FBN2: variants seen among roughly 807,000 people sequenced by gnomAD.
FBN2 encodes fibrillin-2.
In FBN2, 105 loss-of-function variants were observed where a neutral mutation model predicts 355.6. The ratio of observed to expected loss-of-function variants is 0.30; its 90% CI spans 0.25 to 0.35. The LOEUF is 0.35. FBN2 is among the 10% of genes least tolerant of loss of function. The probability of loss-of-function intolerance (pLI) is 1.00; values close to 1 mark genes in which losing one functional copy is unlikely to be tolerated. For missense variants in FBN2, 3,280 were observed against 3,758.7 expected (o/e 0.87, Z 3.33); for synonymous variants, 1,350 against 1,301.2 (o/e 1.04, Z -0.81).
At chr5:128,446,433 T>A in intron 7 of FBN2, 48 bp downstream of exon 7, 3 of 1,602,478 alleles carry the variant, frequency 1.9e-6, no homozygotes, top group Non-Finnish European at 2.6e-6. Flanking sequence ...CTGTTTTTCT[T>A]GCATTAAAGT....
In FBN2 at chr5:128,369,264, T is replaced by C. The variant is rs1425557353; in HGVS notation, c.2166A>G (p.Ala722=). The C allele has an allele frequency of 6.2e-7, 1 of 1,614,158 alleles. No homozygotes were observed. Among genetic ancestry groups the C allele is most frequent in the Middle Eastern group, 1.6e-4 (1 of 6,062 alleles). The part of the protein sequence containing the change: ...KGVCVRPFPG[A]VTKSECCCAN... ...CACAGCAGCATTCGGACTTGGTCAC[T>C]GCACCGGGGAAAGGACGCACACACA... Residue 722 remains alanine, a synonymous_variant, in exon 16 of 65, where the codon GCA becomes GCG. Coordinates refer to ENST00000262464, the MANE Select transcript of FBN2 (RefSeq NM_001999.4).
At chr5:128,304,573 T>C (rs1749815257) in intron 45 of FBN2, among the ~76,000 whole-genome samples, 1 of 152,210 alleles carries the variant, frequency 6.6e-6, no homozygotes, top group Non-Finnish European at 1.5e-5. Context: ...CTCTTACTAC[T>C]CTCTTGCATT....
intron 34 of FBN2, among the ~76,000 whole-genome samples, chr5:128,321,618 G>C (rs1205564971): frequency 6.6e-6 from 1 of 152,176 alleles, no homozygotes; most frequent in Non-Finnish European, 1.5e-5. Flanking sequence ...CAAAGGACAT[G>C]AACTCATCCT....
chr5:128,490,660 C>T (rs998723943), intron 5 of FBN2, among the ~76,000 whole-genome samples: 2 of 152,078 alleles, frequency 1.3e-5, no homozygotes, highest in South Asian at 2.1e-4. Flanking sequence ...CCAGTTAATA[C>T]GATTTTTTAA....
intron 5 of FBN2, among the ~76,000 whole-genome samples, chr5:128,496,998 A>C (rs545545038): frequency 6.6e-6 from 1 of 152,280 alleles, no homozygotes; most frequent in Admixed American, 6.5e-5. Flanking sequence ...AAGAAGTACG[A>C]AACTATACTC....
chr5:128,324,942 G>T (rs1433296477), intron 34 of FBN2, among the ~76,000 whole-genome samples: 2 of 152,092 alleles, frequency 1.3e-5, no homozygotes, highest in African/African-American at 4.8e-5. Flanking sequence ...TTAACCCTGA[G>T]TTCTAATTTG....
intron 5 of FBN2, among the ~76,000 whole-genome samples, chr5:128,467,993 G>C (rs962252680): frequency 6.6e-6 from 1 of 152,134 alleles, no homozygotes; most frequent in African/African-American, 2.4e-5. Context: ...TAATTCGCCT[G>C]TTTTAAGTGT....
chr5:128,307,381 T>C (rs1749912434), intron 41 of FBN2, among the ~76,000 whole-genome samples, 178 bp from the exon 42 acceptor site: 1 of 152,176 alleles, frequency 6.6e-6, no homozygotes, highest in Non-Finnish European at 1.5e-5. Context: ...CTAGGCATTC[T>C]TTACCATTAT....
intron 34 of FBN2, among the ~76,000 whole-genome samples, chr5:128,327,526 A>T (rs1181707109): frequency 2.0e-5 from 3 of 149,990 alleles, no homozygotes; most frequent in African/African-American, 7.3e-5. Context: ...TGTAGGGGGA[A>T]GTTTTTAATA....
In FBN2 at chr5:128,446,612, A is replaced by G. The variant is rs1333057682; in HGVS notation, c.827-6T>C. ...AGCCTGGCATTCATCAACATCTGCA[A>G]GAAGAAAACATTTTGAACACAGATG... On this transcript the variant is annotated splice_polypyrimidine_tract_variant and splice_region_variant and intron_variant, in intron 6 of 64. Coordinates refer to ENST00000262464, the MANE Select transcript of FBN2 (RefSeq NM_001999.4). The G allele has an allele frequency of 1.2e-6, 2 of 1,613,398 alleles. No individual in the cohort carries two copies. Among genetic ancestry groups the G allele is most frequent in the Non-Finnish European group, 1.7e-6 (2 of 1,179,546 alleles).
intron 46 of FBN2, among the ~76,000 whole-genome samples, chr5:128,302,441 T>C (rs908078557): frequency 2.0e-5 from 3 of 152,190 alleles, no homozygotes; most frequent in African/African-American, 7.2e-5. Context: ...TAAAGTCCTG[T>C]ATGGCGCATA....
At chr5:128,444,054 CTTTT>C (rs35768962) in intron 7 of FBN2, among the ~76,000 whole-genome samples, 7 of 65,622 alleles carry the variant, frequency 1.1e-4, no homozygotes, top group African/African-American at 1.2e-4. Context: ...ATCACTTGTT[CTTTT>C]TTTTTTTTTT....
chr5:128,444,831 T>C (rs1754024435), intron 7 of FBN2, among the ~76,000 whole-genome samples: 1 of 152,256 alleles, frequency 6.6e-6, no homozygotes, highest in African/African-American at 2.4e-5. Flanking sequence ...ATTAGAAATG[T>C]CACAACTACT....
At chr5:128,319,906 C>G (rs1024042807) in intron 34 of FBN2, among the ~76,000 whole-genome samples, 7 of 152,118 alleles carry the variant, frequency 4.6e-5, no homozygotes, top group African/African-American at 1.7e-4. Flanking sequence ...GAATGCAGAC[C>G]AGGCACGTCA....
chr5:128,326,186 A>T (rs1234092548), intron 34 of FBN2, among the ~76,000 whole-genome samples: 1 of 152,170 alleles, frequency 6.6e-6, no homozygotes, highest in Non-Finnish European at 1.5e-5. Context: ...TACAGTTTAA[A>T]TAACATCTCT....
chr5:128,403,525 C>T (rs560190530), intron 8 of FBN2, among the ~76,000 whole-genome samples: 10 of 152,268 alleles, frequency 6.6e-5, no homozygotes, highest in South Asian at 2.1e-4. Context: ...TCTTTGCCAA[C>T]GCGTTATTTA....
At chr5:128,453,258 C>T (rs544830672) in intron 6 of FBN2, among the ~76,000 whole-genome samples, 1 of 152,296 alleles carries the variant, frequency 6.6e-6, no homozygotes, top group African/African-American at 2.4e-5. Flanking sequence ...CAAATGTCAC[C>T]ATCGTGTTCC....
chr5:128,385,384 G>T (rs1561430419), intron 11 of FBN2, among the ~76,000 whole-genome samples: 1 of 152,048 alleles, frequency 6.6e-6, no homozygotes, highest in East Asian at 1.9e-4. Flanking sequence ...AAAGCACATG[G>T]TCTCATTCTT....
chr5:128,266,687 C>A (rs1485655217), intron 62 of FBN2, among the ~76,000 whole-genome samples: 1 of 151,796 alleles, frequency 6.6e-6, no homozygotes, highest in East Asian at 1.9e-4. Flanking sequence ...TTTTGTTCTC[C>A]TTAAAAAAAA....
Sources: gnomAD v4.1 joint callset for allele counts (sites outside exome capture counted in the v4.1 genomes callset) on GRCh38, gnomAD v4.1.1 for gene constraint, MANE v1.5 for transcripts, NCBI Gene and HGNC (gene_info 2026-07-23, HGNC 2026-07-21) for gene names.